The following ANKS1B variants were observed in gnomAD, a reference collection of about 807,000 sequenced individuals.
ANKS1B encodes ankyrin repeat and sterile alpha motif domain containing 1B.
ANKS1B carries 36 observed loss-of-function variants against 148.3 expected under a neutral mutation model. The observed-to-expected ratio is 0.24, with a 90% confidence interval of 0.19 to 0.32. The LOEUF (loss-of-function observed/expected upper bound fraction) is 0.32, where lower values mean the gene tolerates loss of function less well. ANKS1B is among the 10% of genes least tolerant of loss of function. ANKS1B has a pLI of 1.00. For missense variants in ANKS1B, 1,157 were observed against 1,542.6 expected (o/e 0.75, Z 4.19); for synonymous variants, 542 against 560.8 (o/e 0.97, Z 0.47).
chr12:99,059,917 CTT>C (rs1296141463), intron 16 of ANKS1B, among the ~76,000 whole-genome samples: 1 of 151,760 alleles, frequency 6.6e-6, no homozygotes, highest in Non-Finnish European at 1.5e-5. Flanking sequence ...AATGATGAAA[CTT>C]TTTTTCCAGC....
chr12:99,869,279 A>G (rs573274839), intron 1 of ANKS1B, among the ~76,000 whole-genome samples: 150 of 152,308 alleles, frequency 9.8e-4, no homozygotes, highest in African/African-American at 3.5e-3. Context: ...GAGGTACACC[A>G]TCAGACAACT....
chr12:99,042,746 GA>G (rs1278991275), intron 17 of ANKS1B, among the ~76,000 whole-genome samples: 7 of 152,186 alleles, frequency 4.6e-5, no homozygotes, highest in Non-Finnish European at 7.3e-5. Flanking sequence ...ATATCTAGCA[GA>G]CAGATATAAT....
chr12:98,800,965 T>C (rs773527753), intron 21 of ANKS1B, 32 bp downstream of exon 21: 1 of 1,602,570 alleles, frequency 6.2e-7, no homozygotes, highest in Non-Finnish European at 8.5e-7. Context: ...TATCTCCACT[T>C]AGGCCCAAAT....
At chr12:99,843,636 T>C (rs529245675) in intron 1 of ANKS1B, among the ~76,000 whole-genome samples, 50 of 152,280 alleles carry the variant, frequency 3.3e-4, no homozygotes, top group African/African-American at 1.2e-3. Context: ...ATGTACCATA[T>C]TTTCTTTATC....
At chr12:99,957,367 T>A (rs778910249) in intron 1 of ANKS1B, among the ~76,000 whole-genome samples, 3 of 152,240 alleles carry the variant, frequency 2.0e-5, no homozygotes, top group Non-Finnish European at 4.4e-5. Context: ...ATTTACTTTT[T>A]CATTTATCAA....
intron 17 of ANKS1B, among the ~76,000 whole-genome samples, chr12:98,885,152 T>G (rs1270634693): frequency 6.6e-6 from 1 of 152,076 alleles, no homozygotes; most frequent in Non-Finnish European, 1.5e-5. Context: ...AGATGGAAAA[T>G]TTAAACTGCT....
intron 8 of ANKS1B, among the ~76,000 whole-genome samples, chr12:99,730,627 C>A (rs1600840454): frequency 6.6e-6 from 1 of 152,092 alleles, no homozygotes; most frequent in South Asian, 2.1e-4. Context: ...GTAGCTGTGG[C>A]AAGATGAGAA....
intron 17 of ANKS1B, among the ~76,000 whole-genome samples, chr12:98,841,206 G>C (rs1211911160): frequency 2.0e-5 from 3 of 151,978 alleles, no homozygotes; most frequent in Admixed American, 6.6e-5. Context: ...GTATTGTAAA[G>C]GAAATTATGG....
At chr12:99,283,760 A>G (rs904190708) in intron 12 of ANKS1B, among the ~76,000 whole-genome samples, 1 of 152,228 alleles carries the variant, frequency 6.6e-6, no homozygotes, top group South Asian at 2.1e-4. Flanking sequence ...TTTTATGCAC[A>G]TGTAGTTTCT....
intron 6 of ANKS1B, among the ~76,000 whole-genome samples, chr12:99,776,432 T>C (rs2063655729): frequency 1.3e-5 from 2 of 152,208 alleles, no homozygotes; most frequent in South Asian, 4.1e-4. Flanking sequence ...CTTGTCCATG[T>C]TCATTCAGCT....
At chr12:98,878,482 T>A (rs2099697686) in intron 17 of ANKS1B, among the ~76,000 whole-genome samples, 1 of 152,220 alleles carries the variant, frequency 6.6e-6, no homozygotes, top group Non-Finnish European at 1.5e-5. Flanking sequence ...CATCTGGTGA[T>A]CTGCTGCTCC....
At chr12:98,903,445 G>A (rs896786984) in intron 17 of ANKS1B, among the ~76,000 whole-genome samples, 2 of 152,160 alleles carry the variant, frequency 1.3e-5, no homozygotes, top group East Asian at 3.9e-4. Context: ...GGAAAAAGGG[G>A]AACTCTTCTC....
chr12:99,894,464 A>AT (rs1318685901), intron 1 of ANKS1B, among the ~76,000 whole-genome samples: 1 of 147,794 alleles, frequency 6.8e-6, no homozygotes, highest in African/African-American at 2.5e-5. Flanking sequence ...AGCCATGGCC[A>AT]TGCCACCGCA....
At chr12:98,811,887 A>C (rs1456537765) in intron 19 of ANKS1B, among the ~76,000 whole-genome samples, 1 of 152,198 alleles carries the variant, frequency 6.6e-6, no homozygotes, top group Non-Finnish European at 1.5e-5. Flanking sequence ...TAGATCTTTC[A>C]CTACTCACAG....
chr12:99,402,202 G>A (rs1000531987), intron 11 of ANKS1B, among the ~76,000 whole-genome samples: 2 of 146,218 alleles, frequency 1.4e-5, no homozygotes, highest in South Asian at 4.2e-4. Context: ...TACAATATTA[G>A]TAGAAGTGAC....
At position 98,855,022 on chromosome 12, in the gene ANKS1B, G is replaced by A. The variant is rs375598090; in HGVS notation, c.2779-22886C>T. Among the ~76,000 whole-genome samples the A allele has an allele frequency of 2.1e-4, 32 of 152,116 alleles. No individual in the cohort carries two copies. In the East Asian group the frequency reaches 3.7e-3, roughly 17 times the overall value. On this transcript the variant is annotated intron_variant, in intron 17 of 26. Coordinates refer to ENST00000683438, the MANE Select transcript of ANKS1B (RefSeq NM_001352186.2). ...AAAATACAAAAAATTAGCCGGGCGC[G>A]GTGGCGGGCGCCTGTAGTCCTAGCT...
At chr12:99,977,297 CCA>C (rs1421951135) in intron 1 of ANKS1B, among the ~76,000 whole-genome samples, 1 of 152,124 alleles carries the variant, frequency 6.6e-6, no homozygotes, top group Non-Finnish European at 1.5e-5. Flanking sequence ...ACGTGCAATG[CCA>C]CACCTGGCCA....
At chr12:98,807,447 G>T (rs11109613) in intron 20 of ANKS1B, among the ~76,000 whole-genome samples, 37,978 of 151,904 alleles carry the variant, frequency 0.25, 5,146 homozygotes, top group Non-Finnish European at 0.31. Flanking sequence ...AGACACAAAG[G>T]GTTGAAGAGT....
intron 17 of ANKS1B, among the ~76,000 whole-genome samples, chr12:98,990,690 A>G (rs1223073715): frequency 6.6e-6 from 1 of 152,182 alleles, no homozygotes; most frequent in Admixed American, 6.5e-5. Context: ...AGAAAGAAAA[A>G]TATAGGATAG....
Sources: allele counts gnomAD v4.1 joint callset (sites outside exome capture counted in the v4.1 genomes callset), GRCh38; gene constraint gnomAD v4.1.1; transcripts MANE v1.5; gene names NCBI Gene and HGNC (gene_info 2026-07-23, HGNC 2026-07-21).